TEX19: variants seen among roughly 807,000 people sequenced by gnomAD.
TEX19 encodes the protein testis expressed 19.
For missense variants in TEX19, 184 were observed against 194.4 expected, an observed-to-expected ratio of 0.95 and a Z score of 0.32; for synonymous variants, 77 against 73.9, an observed-to-expected ratio of 1.04 and a Z score of -0.21.
Position 82,362,786 on chromosome 17 carries a change from C to A in TEX19, c.*141C>A. On this transcript the variant is annotated 3_prime_UTR_variant, in exon 2 of 2. Coordinates refer to ENST00000333437, the MANE Select transcript of TEX19 (RefSeq NM_207459.4). The surrounding 1 kb of genome is among the most constrained non-coding windows in gnomAD (Gnocchi z 5.5). ...TCTCCATGGTGGGCTGCTATGATAC[C>A]ATCTACCTACAGAAGATGACCCCAG... is the stretch of plus-strand genomic sequence containing the variant. 9.3e-7 allele frequency: 1 copy of A among 1,070,298 alleles called. No homozygotes were observed. Among genetic ancestry groups the A allele is most frequent in the Non-Finnish European group, 1.3e-6 (1 of 765,028 alleles). 66.3% of individuals were successfully genotyped at this position (1,070,298 alleles called of 1,614,324 possible). A position where few individuals can be genotyped will look rare whatever the true frequency, so the allele number is the denominator to read the frequency against.
In TEX19 at chr17:82,361,519, GT is replaced by G. The variant is rs1463329098; in HGVS notation, c.-271-358del. On this transcript the variant is annotated intron_variant, in intron 1 of 1. Transcript: ENST00000333437. ...CCCCAGTTTCCCTCAGTTTCCCCCA[GT>G]TTCCCTCAGGTTCCCCCAGTTTCCC... is the stretch of plus-strand genomic sequence containing the variant. The G allele has an allele frequency of 2.4e-5, 17 of 718,868 alleles. No individual in the cohort carries two copies. The African/African-American group carries it at 2.6e-4, about 11-fold the overall frequency. The allele number at this position is 718,868 out of a possible 1,614,324, so 44.5% of individuals were successfully genotyped here.
intron 1 of TEX19, among the ~76,000 whole-genome samples, chr17:82,359,792 AAGTTCCCCTCAGTTTCCCCC>A: frequency 1.3e-4 from 10 of 74,322 alleles, no homozygotes; most frequent in Middle Eastern, 8.9e-3. Context: ...AGTTTCCCTC[AAGTTCCCCTCAGTTTCCCCC>A]AGTTTCCCTC....
In TEX19 at chr17:82,362,806, C is replaced by A. The variant is rs2052407107; in HGVS notation, c.*161C>A. ...GATACCATCTACCTACAGAAGATGA[C>A]CCCAGACAGGGCCCTGAGGACCCCA... On this transcript the variant is annotated 3_prime_UTR_variant, in exon 2 of 2. Transcript: ENST00000333437. This position sits in a 1 kb window ranked among gnomAD's most constrained non-coding sequence, Gnocchi z 5.5. 2 of 911,788 alleles carry A rather than the reference C, an allele frequency of 2.2e-6. No homozygotes were observed. Among genetic ancestry groups the A allele is most frequent in the African/African-American group, 1.7e-5 (1 of 59,174 alleles). 56.5% of individuals were successfully genotyped at this position (911,788 alleles called of 1,614,324 possible).
At chr17:82,360,996 CAGTTTCCCTCAGGTTCCCT>C (rs1232916021) in intron 1 of TEX19, among the ~76,000 whole-genome samples, 2,209 of 77,384 alleles carry the variant, frequency 0.029, 52 homozygotes, top group South Asian at 0.078. Flanking sequence ...CAGTTTTCCC[CAGTTTCCCTCAGGTTCCCT>C]CAGTTTCCCT....
At position 82,363,114 on chromosome 17, in the gene TEX19, G is replaced by A. The variant is rs2052409239; in HGVS notation, c.*469G>A. On this transcript the variant is annotated 3_prime_UTR_variant, in exon 2 of 2. Transcript: ENST00000333437. ...AGGATCTCAGCACCCCTGAGACACAGAGCAGGGGTCCTGAGGAAAGCCTGG... is the reference window on the plus strand; with the variant it reads ...AGGATCTCAGCACCCCTGAGACACAAAGCAGGGGTCCTGAGGAAAGCCTGG... The A allele has an allele frequency of 5.9e-6, 1 of 168,872 alleles. No individual in the cohort carries two copies. The highest frequency in any genetic ancestry group is 1.4e-5 in the Non-Finnish European group (1 of 69,666). The allele number at this position is 168,872 out of a possible 1,614,324, so 10.5% of individuals were successfully genotyped here.
In TEX19 at chr17:82,362,684, C is replaced by A. The variant is rs779064344; in HGVS notation, c.*39C>A. On this transcript the variant is annotated 3_prime_UTR_variant, in exon 2 of 2. Coordinates refer to ENST00000333437, the MANE Select transcript of TEX19 (RefSeq NM_207459.4). This position sits in a 1 kb window ranked among gnomAD's most constrained non-coding sequence, Gnocchi z 5.5. ...AAGTGGACCTGCCCCCAGGGGAGCC[C>A]GTGGTGTTGAAGCTGGGCATTACCT... 2.0e-6 allele frequency: 3 copies of A among 1,519,022 alleles called. No homozygotes were observed. Among genetic ancestry groups the A allele is most frequent in the Non-Finnish European group, 2.6e-6 (3 of 1,136,922 alleles). The allele number at this position is 1,519,022 out of a possible 1,614,324, so 94.1% of individuals were successfully genotyped here. A position where few individuals can be genotyped will look rare whatever the true frequency, so the allele number is the denominator to read the frequency against.
rs769657094 is a variant in TEX19 at position 82,362,435 on chromosome 17, T to C, written c.285T>C (p.Ser95=). ...QSPGQPVQGG[S]EAWGPGTLAA... ...CAGGACAGCCTGTGCAGGGGGGCTC[T>C]GAGGCATGGGGGCCAGGGACCCTGG... Residue 95 remains serine (S), a synonymous_variant, in exon 2 of 2, where the codon TCT becomes TCC. Transcript: ENST00000333437. This position sits in a 1 kb window ranked among gnomAD's most constrained non-coding sequence, Gnocchi z 5.5. 6.2e-7 allele frequency: 1 copy of C among 1,612,816 alleles called. No homozygotes were observed. Among genetic ancestry groups the C allele is most frequent in the Admixed American group, 1.7e-5 (1 of 59,996 alleles).
Position 82,362,166 on chromosome 17 carries a change from A to G in TEX19, c.16A>G (p.Ser6Gly), listed in dbSNP as rs900962762. Reference sequence around the variant, plus strand: ...CAGCCTGGCCATGTGCCCTCCGGTCAGCATGCGGTATGAGGAAGAGGGCAT... The same window carrying G: ...CAGCCTGGCCATGTGCCCTCCGGTCGGCATGCGGTATGAGGAAGAGGGCAT... MCPPV[S>G]MRYEEEGMSY... is the part of the protein sequence containing the mutation. Residue 6 changes from serine to glycine, a missense_variant, in exon 2 of 2, where the codon AGC (serine) becomes GGC (glycine). Coordinates refer to ENST00000333437, the MANE Select transcript of TEX19 (RefSeq NM_207459.4). This position sits in a 1 kb window ranked among gnomAD's most constrained non-coding sequence, Gnocchi z 5.5. The G allele has an allele frequency of 1.9e-6, 3 of 1,609,674 alleles. No individual in the cohort carries two copies. The highest frequency in any genetic ancestry group is 2.5e-6 in the Non-Finnish European group (3 of 1,178,144).
chr17:82,361,102 G>A (rs1374683035), intron 1 of TEX19, among the ~76,000 whole-genome samples: 1 of 116,488 alleles, frequency 8.6e-6, no homozygotes, highest in African/African-American at 3.4e-5. Context: ...TCCTCAAGTT[G>A]CCTCAGTTTC....
At chr17:82,359,780 T>C (rs111211188) in intron 1 of TEX19, among the ~76,000 whole-genome samples, 1,255 of 51,722 alleles carry the variant, frequency 0.024, 66 homozygotes, top group South Asian at 0.035. Flanking sequence ...TCAGGTTCCC[T>C]CAGTTTCCCT....
chr17:82,361,781 C>T lies in TEX19; in HGVS notation c.-271-99C>T, dbSNP rs956153884. 14 of 1,074,174 alleles carry T rather than the reference C, an allele frequency of 1.3e-5. No individual in the cohort carries two copies. The African/African-American group carries it at 2.3e-4, about 18-fold the overall frequency. 66.5% of individuals were successfully genotyped at this position (1,074,174 alleles called of 1,614,324 possible). On this transcript the variant is annotated intron_variant, in intron 1 of 1. Coordinates refer to ENST00000333437, the MANE Select transcript of TEX19 (RefSeq NM_207459.4). ...ACTGAGCAGGGTCCCCACTAAAGGG[C>T]CAGTCTGAACCCCAACATCCCTGCC...
chr17:82,362,496 G>A lies in TEX19; in HGVS notation c.346G>A (p.Asp116Asn). 1 of 1,612,902 alleles carries A rather than the reference G, an allele frequency of 6.2e-7. No homozygotes were observed. Among genetic ancestry groups the A allele is most frequent in the Non-Finnish European group, 8.5e-7 (1 of 1,179,954 alleles). ...AGAAGGGTTGGAAGATGCAGGTCTG[G>A]ACCCCCACTTTGTCCCCACTGAACT... ...APEGLEDAGLDPHFVPTELWP... is the reference protein window; with the variant it reads ...APEGLEDAGLNPHFVPTELWP... The change falls in exon 2 of 2, where the codon GAC becomes AAC. Residue 116 changes from aspartate (D) to asparagine (N), a missense_variant. Asp to Asn is a conservative substitution (Grantham distance 23, BLOSUM62 1). Transcript: ENST00000333437. This position sits in a 1 kb window ranked among gnomAD's most constrained non-coding sequence, Gnocchi z 5.5.
At position 82,361,955 on chromosome 17, in the gene TEX19, C is replaced by T. The variant is rs992432286; in HGVS notation, c.-196C>T. ...CAAGCTTCCACCCTCTGCAGGTCCC[C>T]ACTGAGCTGGGACCCAGGTCATCCA... On this transcript the variant is annotated 5_prime_UTR_variant, in exon 2 of 2. Coordinates refer to ENST00000333437, the MANE Select transcript of TEX19 (RefSeq NM_207459.4). 1.3e-6 allele frequency: 1 copy of T among 795,262 alleles called. No homozygotes were observed. Among genetic ancestry groups the T allele is most frequent in the African/African-American group, 1.7e-5 (1 of 57,490 alleles). The allele number at this position is 795,262 out of a possible 1,614,324, so 49.3% of individuals were successfully genotyped here. A position where few individuals can be genotyped will look rare whatever the true frequency, so the allele number is the denominator to read the frequency against.
intron 1 of TEX19, among the ~76,000 whole-genome samples, chr17:82,360,989 T>TTTCCCCCAG (rs2052385570): frequency 4.3e-5 from 1 of 23,168 alleles, no homozygotes. Context: ...GTTCCCTCAG[T>TTTCCCCCAG]TTTCCCCAGT....
rs1338083277 is a variant in TEX19, at chr17:82,362,171, G to C, written c.21G>C (p.Met7Ile). The change falls in exon 2 of 2, where the codon ATG becomes ATC. Residue 7 changes from methionine (M) to isoleucine (I), a missense_variant. Physicochemically the swap from Met to Ile is conservative, Grantham distance 10 (BLOSUM62 1). Transcript: ENST00000333437. The surrounding 1 kb of genome is among the most constrained non-coding windows in gnomAD (Gnocchi z 5.5). ...TGGCCATGTGCCCTCCGGTCAGCAT[G>C]CGGTATGAGGAAGAGGGCATGTCCT... is the stretch of plus-strand genomic sequence containing the variant. MCPPVS[M>I]RYEEEGMSYL... The C allele has an allele frequency of 3.7e-6, 6 of 1,611,038 alleles. No homozygotes were observed. In the African/African-American group the frequency reaches 8.0e-5, roughly 22 times the overall value.
intron 1 of TEX19, among the ~76,000 whole-genome samples, chr17:82,360,226 CT>C (rs1215278872): frequency 1.0e-4 from 8 of 78,428 alleles, no homozygotes; most frequent in African/African-American, 1.7e-4. Context: ...CCCAGTTTCC[CT>C]CAAGTTTCCC....
chr17:82,362,425 A>AG lies in TEX19; in HGVS notation c.281dup (p.Ser95LeufsTer2). The AG allele has an allele frequency of 3.1e-6, 5 of 1,612,880 alleles. No homozygotes were observed. Among genetic ancestry groups the AG allele is most frequent in the South Asian group, 1.1e-5 (1 of 91,066 alleles). On this transcript the variant is annotated frameshift_variant, in exon 2 of 2. Transcript: ENST00000333437. LOFTEE classifies it low-confidence loss of function (END_TRUNC). This position sits in a 1 kb window ranked among gnomAD's most constrained non-coding sequence, Gnocchi z 5.5. ...GGGCAGAGCCCAGGACAGCCTGTGC[A>AG]GGGGGGCTCTGAGGCATGGGGGCCA... is the stretch of plus-strand genomic sequence containing the variant.
At position 82,362,630 on chromosome 17, in the gene TEX19, C is replaced by T. The variant is rs1455448160; in HGVS notation, c.480C>T (p.Ser160=). 6.5e-7 allele frequency: 1 copy of T among 1,546,962 alleles called. No homozygotes were observed. The change falls in exon 2 of 2, where the codon AGC becomes AGT. Residue 160 remains serine (S), a synonymous_variant. Transcript: ENST00000333437. This position sits in a 1 kb window ranked among gnomAD's most constrained non-coding sequence, Gnocchi z 5.5. ...EELLTCSHWP[S]FFPS is the part of the protein sequence containing the mutation. ...TTCTTACCTGCTCACACTGGCCAAG[C>T]TTCTTTCCTTCATAGCAGGGGTTTC... is the stretch of plus-strand genomic sequence containing the variant.
chr17:82,362,111 C>A lies in TEX19; in HGVS notation c.-40C>A. 1 of 1,568,342 alleles carries A rather than the reference C, an allele frequency of 6.4e-7. No individual in the cohort carries two copies. Among genetic ancestry groups the A allele is most frequent in the Non-Finnish European group, 8.6e-7 (1 of 1,160,140 alleles). On this transcript the variant is annotated 5_prime_UTR_variant, in exon 2 of 2. Transcript: ENST00000333437. The surrounding 1 kb of genome is among the most constrained non-coding windows in gnomAD (Gnocchi z 5.5). ...CGTCCAAGATCCTCTGAAGGCCCAG[C>A]TCTTGCTGTCCACCCCGGCAGTAGG... is the stretch of plus-strand genomic sequence containing the variant.
Sources: allele counts gnomAD v4.1 joint callset (sites outside exome capture counted in the v4.1 genomes callset), GRCh38; gene constraint gnomAD v4.1.1; non-coding constraint Gnocchi (gnomAD v3.1); transcripts MANE v1.5; gene names NCBI Gene and HGNC (gene_info 2026-07-23, HGNC 2026-07-21).